The following CDK14 variants were observed in gnomAD, a reference collection of about 807,000 sequenced individuals.
CDK14 encodes the protein cyclin-dependent kinase 14.
A neutral mutation model predicts 60.7 loss-of-function variants in CDK14; 34 were observed. That is an observed-to-expected ratio of 0.56 (90% CI 0.43 to 0.75). The LOEUF (loss-of-function observed/expected upper bound fraction) is 0.75. Ranked by LOEUF, CDK14 falls within the 30% of genes least tolerant of loss-of-function variation. CDK14 has a pLI of 0.00. For synonymous variants in CDK14, 197 were observed against 203.7 expected (o/e 0.97, Z 0.28); for missense variants, 482 against 564.1 (o/e 0.85, Z 1.47).
rs1791198145 is a variant in CDK14 at position 90,866,511 on chromosome 7, A to G, written c.639+3242A>G. 2.0e-5 allele frequency among the ~76,000 whole-genome samples: 3 copies of G among 152,268 alleles called. No homozygotes were observed. In the South Asian group the frequency reaches 6.2e-4, roughly 32 times the overall value. Reference sequence around the variant, plus strand: ...CCATTAAAACCCTGGATATGACGGGAAAGTAAAATAATTTAAGATTCATTA... The same window carrying G: ...CCATTAAAACCCTGGATATGACGGGGAAGTAAAATAATTTAAGATTCATTA... On this transcript the variant is annotated intron_variant, in intron 6 of 14. Coordinates refer to ENST00000380050, the MANE Select transcript of CDK14 (RefSeq NM_001287135.2).
chr7:90,960,900 T>C (rs1236554658), intron 9 of CDK14, among the ~76,000 whole-genome samples: 7 of 152,162 alleles, frequency 4.6e-5, no homozygotes, highest in Non-Finnish European at 7.4e-5. Flanking sequence ...TGAGTAATAA[T>C]AATAGTAACA....
chr7:91,091,175 C>G (rs1033031935), intron 12 of CDK14, among the ~76,000 whole-genome samples: 4 of 150,976 alleles, frequency 2.6e-5, no homozygotes, highest in African/African-American at 9.7e-5. Context: ...GTGGACAGAT[C>G]ACTTGAGTCC....
chr7:90,813,106 C>A (rs1789203687), intron 5 of CDK14, among the ~76,000 whole-genome samples: 1 of 152,158 alleles, frequency 6.6e-6, no homozygotes, highest in South Asian at 2.1e-4. Flanking sequence ...CATGTTTGAA[C>A]CTCATAAACA....
chr7:91,131,290 G>A (rs1448610824), intron 14 of CDK14, among the ~76,000 whole-genome samples: 1 of 151,944 alleles, frequency 6.6e-6, no homozygotes, highest in Admixed American at 6.6e-5. Context: ...TTTTGGAGAA[G>A]AATACCACTA....
At chr7:91,011,258 A>G (rs1273863020) in intron 10 of CDK14, among the ~76,000 whole-genome samples, 1 of 152,028 alleles carries the variant, frequency 6.6e-6, no homozygotes, top group Non-Finnish European at 1.5e-5. Flanking sequence ...ATACTAGGTG[A>G]GTTACTTAAT....
At chr7:90,868,918 C>G (rs1791281085) in intron 6 of CDK14, among the ~76,000 whole-genome samples, 1 of 152,208 alleles carries the variant, frequency 6.6e-6, no homozygotes, top group African/African-American at 2.4e-5. Context: ...TAACCTGCAA[C>G]TTACCTGTGT....
intron 2 of CDK14, among the ~76,000 whole-genome samples, chr7:90,615,892 A>C (rs527670383): frequency 6.2e-4 from 94 of 152,204 alleles, no homozygotes; most frequent in African/African-American, 2.2e-3. Context: ...CACCTTGAAA[A>C]TTTTGCTGCT....
chr7:90,863,670 A>ATG (rs111580477), intron 6 of CDK14, among the ~76,000 whole-genome samples: 65,876 of 145,852 alleles, frequency 0.45, 15,153 homozygotes, highest in East Asian at 0.85. Context: ...TTATTAAGAT[A>ATG]TGTGTGTGTG....
intron 2 of CDK14, among the ~76,000 whole-genome samples, chr7:90,700,744 T>C (rs1801766694): frequency 6.6e-6 from 1 of 152,160 alleles, no homozygotes; most frequent in South Asian, 2.1e-4. Context: ...AAAGTGAAAA[T>C]CTGCCAATTT....
chr7:90,855,331 T>A (rs1043065465), intron 5 of CDK14, among the ~76,000 whole-genome samples: 13 of 152,216 alleles, frequency 8.5e-5, no homozygotes, highest in South Asian at 2.1e-4. Context: ...GTTATAATGA[T>A]TCATTATTGT....
In CDK14 at chr7:91,092,012, A is replaced by G. The variant is rs1798847312; in HGVS notation, c.1154+12532A>G. ...GTTATAAGTAGTTGGACCCCAGATGATACTCAATGTGCAGCGTTTTAATCC... is the reference window on the plus strand; with the variant it reads ...GTTATAAGTAGTTGGACCCCAGATGGTACTCAATGTGCAGCGTTTTAATCC... On this transcript the variant is annotated intron_variant, in intron 12 of 14. Coordinates refer to ENST00000380050, the MANE Select transcript of CDK14 (RefSeq NM_001287135.2). 2.0e-5 allele frequency among the ~76,000 whole-genome samples: 3 copies of G among 152,062 alleles called. No individual in the cohort carries two copies. In the South Asian group the frequency reaches 6.2e-4, roughly 32 times the overall value.
intron 14 of CDK14, among the ~76,000 whole-genome samples, chr7:91,160,560 T>C (rs1306351010): frequency 6.6e-6 from 1 of 152,242 alleles, no homozygotes; most frequent in Non-Finnish European, 1.5e-5. Flanking sequence ...TGAAATGTTC[T>C]GTTCAACAGA....
At chr7:90,839,645 A>G (rs890640620) in intron 5 of CDK14, among the ~76,000 whole-genome samples, 22 of 152,026 alleles carry the variant, frequency 1.4e-4, no homozygotes, top group African/African-American at 5.3e-4. Flanking sequence ...AAATAATTTT[A>G]TTTTCTGGTT....
chr7:90,680,124 C>G (rs1285277730), intron 2 of CDK14, among the ~76,000 whole-genome samples: 1 of 151,796 alleles, frequency 6.6e-6, no homozygotes, highest in Non-Finnish European at 1.5e-5. Flanking sequence ...CCTGTAAAAC[C>G]TTTATGGTAG....
At chr7:90,626,229 A>G (rs1214479047) in intron 2 of CDK14, among the ~76,000 whole-genome samples, 3 of 152,116 alleles carry the variant, frequency 2.0e-5, no homozygotes, top group Non-Finnish European at 4.4e-5. Flanking sequence ...CCACCCCTAC[A>G]TTCCTAGGCT....
intron 2 of CDK14, among the ~76,000 whole-genome samples, chr7:90,699,869 G>C (rs1244303411): frequency 1.3e-5 from 2 of 152,182 alleles, no homozygotes; most frequent in African/African-American, 4.8e-5. Context: ...AGAAACAGTG[G>C]TTATTGAGGG....
At chr7:91,196,664 A>G (rs1343977362) in intron 14 of CDK14, among the ~76,000 whole-genome samples, 1 of 152,254 alleles carries the variant, frequency 6.6e-6, no homozygotes, top group Non-Finnish European at 1.5e-5. Context: ...GGTGGGGAAC[A>G]AGTTGATGGT....
At chr7:90,729,232 T>C in intron 3 of CDK14, among the ~76,000 whole-genome samples, 1 of 151,824 alleles carries the variant, frequency 6.6e-6, no homozygotes, top group Admixed American at 6.6e-5. Flanking sequence ...ATCATATCAT[T>C]TGTAGCCCCA....
intron 2 of CDK14, among the ~76,000 whole-genome samples, chr7:90,621,809 A>G (rs920889834): frequency 3.3e-5 from 5 of 152,028 alleles, no homozygotes; most frequent in Non-Finnish European, 5.9e-5. Context: ...TGTTGGCACT[A>G]TTATTTCTAT....
Sources: gnomAD v4.1 joint callset for allele counts (sites outside exome capture counted in the v4.1 genomes callset) on GRCh38, gnomAD v4.1.1 for gene constraint, MANE v1.5 for transcripts, NCBI Gene and HGNC (gene_info 2026-07-23, HGNC 2026-07-21) for gene names.